Variants in C1orf159 observed in about 807,000 individuals in gnomAD.
C1orf159 encodes chromosome 1 open reading frame 159.
A neutral mutation model predicts 25.6 loss-of-function variants in C1orf159; 19 were observed. That is an observed-to-expected ratio of 0.74 (90% confidence interval 0.52 to 1.09). C1orf159 has a LOEUF of 1.09. Ranked by LOEUF, C1orf159 falls within the 50% of genes least tolerant of loss-of-function variation. The probability of loss-of-function intolerance (pLI) is 0.00; values close to 1 mark genes in which losing one functional copy is unlikely to be tolerated. For missense variants in C1orf159, 274 were observed against 290.6 expected (o/e 0.94, Z 0.42); for synonymous variants, 139 against 124.7 (o/e 1.12, Z -0.77).
Position 1,116,079 on chromosome 1 carries a change from C to A in C1orf159, c.-155G>T, listed in dbSNP as rs1275178753. 3.3e-5 allele frequency: 5 copies of A among 152,128 alleles called. No homozygotes were observed. Among genetic ancestry groups the A allele is most frequent in the African/African-American group, 7.2e-5 (3 of 41,420 alleles). 9.4% of individuals were successfully genotyped at this position (152,128 alleles called of 1,614,324 possible). ...ACTCACCCCGGCGCCCTCCGGGTTT[C>A]TCTTTCGTACACCCCGCCCTCAGGC... On this transcript the variant is annotated 5_prime_UTR_variant, in exon 1 of 10. Coordinates refer to ENST00000421241, the MANE Select transcript of C1orf159 (RefSeq NM_017891.5). This position sits in a 1 kb window ranked among gnomAD's most constrained non-coding sequence, Gnocchi z 4.8.
chr1:1,102,071 C>CAAAAAAA (rs1237729417), intron 1 of C1orf159, among the ~76,000 whole-genome samples: 7 of 39,966 alleles, frequency 1.8e-4, no homozygotes, highest in Non-Finnish European at 2.9e-4. Context: ...AACTCTGTCT[C>CAAAAAAA]AAAAAAAAAA....
chr1:1,090,999 G>A (rs763247176), intron 3 of C1orf159: 67 of 1,539,874 alleles, frequency 4.4e-5, no homozygotes, highest in Admixed American at 1.6e-4. Context: ...TGCAGTGAAC[G>A]GTGAGGGCGT....
Position 1,087,473 on chromosome 1 carries a change from GGGAGCC to G in C1orf159, c.244+23_244+28del. 6.6e-7 allele frequency: 1 copy of G among 1,525,254 alleles called. No homozygotes were observed. The allele number at this position is 1,525,254 out of a possible 1,614,324, so 94.5% of individuals were successfully genotyped here. A position where few individuals can be genotyped will look rare whatever the true frequency, so the allele number is the denominator to read the frequency against. ...TCTCCCACAGCTGGAGCTGTGAGAA[GGGAGCC>G]GGGGGGAGCCGGGCAGACCTACAGC... On this transcript the variant is annotated intron_variant, in intron 5 of 9. Coordinates refer to ENST00000421241, the MANE Select transcript of C1orf159 (RefSeq NM_017891.5). This position sits in a 1 kb window ranked among gnomAD's most constrained non-coding sequence, Gnocchi z 8.3.
At chr1:1,091,337 G>T in intron 3 of C1orf159, 135 bp downstream of exon 3, 2 of 872,554 alleles carry the variant, frequency 2.3e-6, no homozygotes, top group Non-Finnish European at 3.7e-6. Context: ...CCCAGCAGTG[G>T]ACCTGGTCAG....
chr1:1,113,893 T>G (rs1289209304), intron 1 of C1orf159, among the ~76,000 whole-genome samples: 1 of 149,186 alleles, frequency 6.7e-6, no homozygotes, highest in Non-Finnish European at 1.5e-5. Context: ...ACTGGAGTTG[T>G]GCGCACGCTC....
rs958882032 is a variant in C1orf159 at position 1,090,951 on chromosome 1, T to C, written c.72+521A>G. 3.2e-6 allele frequency: 5 copies of C among 1,550,184 alleles called. No homozygotes were observed. The African/African-American group carries it at 5.5e-5, about 17-fold the overall frequency. On this transcript the variant is annotated intron_variant, in intron 3 of 9. Transcript: ENST00000421241. ...GGGGGCTCAGGGTACCCTCAGCTTGTGTGTTGATCACAGCTGTGCTGTTTC... is the reference window on the plus strand; with the variant it reads ...GGGGGCTCAGGGTACCCTCAGCTTGCGTGTTGATCACAGCTGTGCTGTTTC...
intron 9 of C1orf159, 85 bp from the exon 10 acceptor site, chr1:1,083,072 C>T (rs773493850): frequency 3.6e-5 from 43 of 1,181,562 alleles, no homozygotes; most frequent in South Asian, 2.6e-4. Flanking sequence ...CGGAGGCTCT[C>T]GGGAGTGGGC....
Position 1,111,308 on chromosome 1 carries a change from G to A in C1orf159, c.-136+4752C>T, listed in dbSNP as rs1397855517. ...TTTGGGAGGCCAAGGTGGGAGGATC[G>A]CTTGAGCCCAGGAGTTCAAAACCAG... On this transcript the variant is annotated intron_variant, in intron 1 of 9. Coordinates refer to ENST00000421241, the MANE Select transcript of C1orf159 (RefSeq NM_017891.5). Among the ~76,000 whole-genome samples the A allele has an allele frequency of 4.7e-5, 7 of 149,874 alleles. 1 individual carries two copies. In the South Asian group the frequency reaches 6.3e-4, roughly 13 times the overall value.
Position 1,085,961 on chromosome 1 carries a change from G to A in C1orf159, c.362C>T (p.Ser121Phe), listed in dbSNP as rs754691202. 3 of 1,613,406 alleles carry A rather than the reference G, an allele frequency of 1.9e-6. No homozygotes were observed. The South Asian group carries it at 3.3e-5, about 18-fold the overall frequency. Residue 121 changes from serine to phenylalanine, a missense_variant, in exon 7 of 10, where the codon TCC becomes TTC. Coordinates refer to ENST00000421241, the MANE Select transcript of C1orf159 (RefSeq NM_017891.5). ...SLFLGTFFIS[S>F]GLILSVAGFF... The stretch of plus-strand genomic sequence containing the variant: ...CCCAGCTACGGAGAGGATGAGGCCG[G>A]AGCTAATGAAGAACGTGCCCAGGAA...
chr1:1,098,594 T>C (rs1396281481), intron 1 of C1orf159, among the ~76,000 whole-genome samples: 1 of 152,212 alleles, frequency 6.6e-6, no homozygotes, highest in Admixed American at 6.5e-5. Context: ...AAATGTATCA[T>C]GTGCACTTAG....
intron 1 of C1orf159, among the ~76,000 whole-genome samples, chr1:1,101,994 C>T (rs1646106658): frequency 7.0e-6 from 1 of 142,002 alleles, no homozygotes; most frequent in South Asian, 2.2e-4. Context: ...ATCGCTTGAA[C>T]TGGGAGGTAG....
At chr1:1,084,899 G>A (rs1645805201) in intron 7 of C1orf159, among the ~76,000 whole-genome samples, 1 of 152,128 alleles carries the variant, frequency 6.6e-6, no homozygotes, top group Non-Finnish European at 1.5e-5. Flanking sequence ...GGCACGAGGT[G>A]GCTTTGAGCC....
chr1:1,115,332 G>T (rs1253677572), intron 1 of C1orf159, among the ~76,000 whole-genome samples: 1 of 152,144 alleles, frequency 6.6e-6, no homozygotes, highest in Non-Finnish European at 1.5e-5. Flanking sequence ...GTGACAAACG[G>T]ACAAAAACAA....
At chr1:1,102,460 G>A (rs965552062) in intron 1 of C1orf159, among the ~76,000 whole-genome samples, 2 of 147,470 alleles carry the variant, frequency 1.4e-5, no homozygotes, top group Non-Finnish European at 3.0e-5. Flanking sequence ...TTTCCCTTCT[G>A]TTATGTTCAT....
intron 1 of C1orf159, among the ~76,000 whole-genome samples, chr1:1,101,073 T>G (rs989036614): frequency 1.3e-5 from 2 of 152,246 alleles, no homozygotes; most frequent in African/African-American, 4.8e-5. Context: ...GGTGACAAAT[T>G]TTATCAGTTT....
At chr1:1,101,042 T>C (rs182917869) in intron 1 of C1orf159, among the ~76,000 whole-genome samples, 3 of 152,382 alleles carry the variant, frequency 2.0e-5, no homozygotes, top group Admixed American at 2.0e-4. Context: ...ATCTTCAGCA[T>C]TTCCGGTAGC....
At chr1:1,111,404 G>A (rs888676699) in intron 1 of C1orf159, among the ~76,000 whole-genome samples, 3 of 150,460 alleles carry the variant, frequency 2.0e-5, no homozygotes, top group Non-Finnish European at 4.4e-5. Flanking sequence ...GCTTGGTGAC[G>A]TATACTTGTG....
rs1352649672 is a variant in C1orf159, at chr1:1,110,529, G to A, written c.-136+5531C>T. 6.6e-6 allele frequency among the ~76,000 whole-genome samples: 1 copy of A among 151,348 alleles called. No individual in the cohort carries two copies. Among genetic ancestry groups the A allele is most frequent in the Admixed American group, 6.6e-5 (1 of 15,244 alleles). ...AACGTGTGCGAATGGCAACAGATGA[G>A]TGGACAGTGCTCAACACGGGTGAGC... On this transcript the variant is annotated intron_variant, in intron 1 of 9. Transcript: ENST00000421241. This position sits in a 1 kb window ranked among gnomAD's most constrained non-coding sequence, Gnocchi z 4.8.
At chr1:1,105,759 A>C (rs1646162421) in intron 1 of C1orf159, among the ~76,000 whole-genome samples, 1 of 151,388 alleles carries the variant, frequency 6.6e-6, no homozygotes, top group Admixed American at 6.6e-5. Flanking sequence ...CTGTAGTCCC[A>C]GCTACTCGGG....
Sources: allele counts gnomAD v4.1 joint callset (sites outside exome capture counted in the v4.1 genomes callset), GRCh38; gene constraint gnomAD v4.1.1; non-coding constraint Gnocchi (gnomAD v3.1); transcripts MANE v1.5; gene names NCBI Gene and HGNC (gene_info 2026-07-23, HGNC 2026-07-21).